Variants in PKHD1 observed in about 807,000 individuals in gnomAD.
PKHD1 encodes fibrocystin.
Under a neutral mutation model 412.0 loss-of-function variants are expected in PKHD1, and 291 were observed. The ratio of observed to expected loss-of-function variants is 0.71; its 90% CI spans 0.64 to 0.78. The LOEUF (loss-of-function observed/expected upper bound fraction) is 0.78, where lower values mean the gene tolerates loss of function less well. PKHD1 is among the 30% of genes least tolerant of loss of function. The pLI, the probability that PKHD1 is intolerant of heterozygous loss-of-function variation, is 0.00. For missense variants in PKHD1, 4,825 were observed against 4,950.7 expected (o/e 0.97, Z 0.76); for synonymous variants, 1,777 against 1,821.5 (o/e 0.98, Z 0.62).
chr6:51,712,825 A>T (rs1301407524), intron 60 of PKHD1, among the ~76,000 whole-genome samples: 2 of 152,212 alleles, frequency 1.3e-5, no homozygotes, highest in African/African-American at 2.4e-5. Flanking sequence ...AGTACTGTTA[A>T]AGTAGTAGAT....
chr6:51,661,961 T>C (rs1772933680), intron 60 of PKHD1, among the ~76,000 whole-genome samples: 1 of 152,010 alleles, frequency 6.6e-6, no homozygotes, highest in Admixed American at 6.6e-5. Context: ...AACCTGACCA[T>C]GGTGTTAATA....
At chr6:52,046,823 G>A (rs919949779) in intron 23 of PKHD1, among the ~76,000 whole-genome samples, 7 of 152,204 alleles carry the variant, frequency 4.6e-5, no homozygotes, top group South Asian at 2.1e-4. Flanking sequence ...AGCCCTGTGA[G>A]GTGGGTCATT....
At chr6:51,853,733 A>G (rs1042410165) in intron 49 of PKHD1, among the ~76,000 whole-genome samples, 1 of 152,114 alleles carries the variant, frequency 6.6e-6, no homozygotes, top group African/African-American at 2.4e-5. Flanking sequence ...TGTGTGCTTC[A>G]CAAAATTCTC....
chr6:51,862,854 T>C (rs1774424431), intron 48 of PKHD1, among the ~76,000 whole-genome samples: 1 of 152,214 alleles, frequency 6.6e-6, no homozygotes, highest in African/African-American at 2.4e-5. Flanking sequence ...TTTTGCTGGG[T>C]CAGTACAACG....
intron 36 of PKHD1, among the ~76,000 whole-genome samples, chr6:51,936,940 C>T (rs1787591255): frequency 6.6e-6 from 1 of 152,202 alleles, no homozygotes; most frequent in African/African-American, 2.4e-5. Context: ...AATCTACATT[C>T]TGTAGAAAAT....
intron 60 of PKHD1, among the ~76,000 whole-genome samples, chr6:51,716,701 G>C (rs1305716414): frequency 6.6e-6 from 1 of 151,868 alleles, no homozygotes; most frequent in Non-Finnish European, 1.5e-5. Flanking sequence ...TCCTGAAGTG[G>C]GTGTAACAGC....
At chr6:51,858,295 C>T (rs190577633) in intron 48 of PKHD1, among the ~76,000 whole-genome samples, 2 of 152,276 alleles carry the variant, frequency 1.3e-5, no homozygotes, top group East Asian at 1.9e-4. Flanking sequence ...GCCATTTGCG[C>T]TCAGTCATCA....
At chr6:51,673,708 G>A (rs541696696) in intron 60 of PKHD1, among the ~76,000 whole-genome samples, 150 of 152,210 alleles carry the variant, frequency 9.9e-4, no homozygotes, top group African/African-American at 3.5e-3. Flanking sequence ...GCCTCGGAGG[G>A]GCAGGGGTTT....
intron 32 of PKHD1, among the ~76,000 whole-genome samples, chr6:52,023,637 G>A (rs1801728792): frequency 6.6e-6 from 1 of 152,104 alleles, no homozygotes; most frequent in African/African-American, 2.4e-5. Flanking sequence ...CTGAGATACA[G>A]AGTTCCCCTC....
At chr6:51,721,739 A>G (rs1269701824) in intron 60 of PKHD1, 4 of 1,386,258 alleles carry the variant, frequency 2.9e-6, no homozygotes, top group Admixed American at 6.1e-5. Context: ...CCCTCTCCAC[A>G]GTCCCCAAAG....
intron 25 of PKHD1, among the ~76,000 whole-genome samples, chr6:52,043,996 T>G (rs1404842281): frequency 6.6e-6 from 1 of 152,234 alleles, no homozygotes; most frequent in Non-Finnish European, 1.5e-5. Context: ...CTCTGTCATA[T>G]AGAAGTAAAC....
chr6:51,762,643 A>G (rs1419193459), intron 55 of PKHD1, among the ~76,000 whole-genome samples: 2 of 106,246 alleles, frequency 1.9e-5, no homozygotes, highest in Non-Finnish European at 1.9e-5. Flanking sequence ...CACTACCATT[A>G]TTCACATATA....
At chr6:51,924,283 A>G (rs530109108) in intron 37 of PKHD1, among the ~76,000 whole-genome samples, 4 of 152,076 alleles carry the variant, frequency 2.6e-5, no homozygotes, top group Non-Finnish European at 5.9e-5. Flanking sequence ...GTACTCAAAA[A>G]TGTAAAAAAT....
intron 35 of PKHD1, among the ~76,000 whole-genome samples, chr6:51,965,815 G>C (rs1238164654): frequency 6.6e-6 from 1 of 152,002 alleles, no homozygotes. Flanking sequence ...CTACCTCAGT[G>C]CTTCATATAT....
At chr6:51,871,826 C>A (rs913288534) in intron 46 of PKHD1, among the ~76,000 whole-genome samples, 1 of 117,796 alleles carries the variant, frequency 8.5e-6, no homozygotes, top group East Asian at 2.0e-4. Flanking sequence ...TTGAGGATTA[C>A]CAGAATTTTT....
At position 51,659,411 on chromosome 6, in the gene PKHD1, A is replaced by G. The variant is rs775005821; in HGVS notation, c.10715T>C (p.Leu3572Ser). ...HLALTVMVSV[L>S]EKGWEIVILE... is the part of the protein sequence containing the mutation. ...TATTACTATTTCCCAGCCTTTTTCT[A>G]AGACTGAAACCATCACAGTGAGGGC... Residue 3572 changes from leucine (L) to serine (S), a missense_variant, in exon 61 of 67, where the codon TTA becomes TCA. Coordinates refer to ENST00000371117, the MANE Select transcript of PKHD1 (RefSeq NM_138694.4). The G allele has an allele frequency of 1.2e-6, 2 of 1,613,654 alleles. No individual in the cohort carries two copies. Among genetic ancestry groups the G allele is most frequent in the South Asian group, 2.2e-5 (2 of 91,074 alleles).
chr6:51,926,298 GA>G (rs1785610182), intron 37 of PKHD1, among the ~76,000 whole-genome samples: 1 of 152,128 alleles, frequency 6.6e-6, no homozygotes, highest in African/African-American at 2.4e-5. Context: ...GAGTCGCAGA[GA>G]AACAAAATCT....
chr6:52,083,848 T>A (rs773774577), intron 2 of PKHD1, among the ~76,000 whole-genome samples: 29 of 152,112 alleles, frequency 1.9e-4, no homozygotes, highest in Non-Finnish European at 2.8e-4. Context: ...TACTGCTTAA[T>A]ATACTAGTTT....
chr6:51,659,926 C>T lies in PKHD1; in HGVS notation c.10200G>A (p.Met3400Ile), dbSNP rs1223533683. The change falls in exon 61 of 67, where the codon ATG (methionine) becomes ATA (isoleucine). Residue 3400 changes from methionine (M) to isoleucine (I), a missense_variant. Coordinates refer to ENST00000371117, the MANE Select transcript of PKHD1 (RefSeq NM_138694.4). ...CAGTCTGTTTGCAGATGAATCCTTG[C>T]ATCAGAAATTGGTATGTACATTTCT... is the stretch of plus-strand genomic sequence containing the variant. ...EEQKCTYQFL[M>I]QGFICKQTDQ... 2 of 1,612,056 alleles carry T rather than the reference C, an allele frequency of 1.2e-6. No homozygotes were observed. Among genetic ancestry groups the T allele is most frequent in the Non-Finnish European group, 1.7e-6 (2 of 1,178,590 alleles).
Sources: gnomAD v4.1 joint callset for allele counts (sites outside exome capture counted in the v4.1 genomes callset) on GRCh38, gnomAD v4.1.1 for gene constraint, MANE v1.5 for transcripts, NCBI Gene and HGNC (gene_info 2026-07-23, HGNC 2026-07-21) for gene names.